DCTD: variants seen among roughly 807,000 people sequenced by gnomAD.
DCTD encodes deoxycytidylate deaminase.
In DCTD, 23 loss-of-function variants were observed where a neutral mutation model predicts 21.0. That is an observed-to-expected ratio of 1.09 (90% CI 0.79 to 1.55). DCTD has a LOEUF of 1.55. DCTD is among the 40% of genes most tolerant of loss of function. The pLI is 0.00. For missense variants in DCTD, 224 were observed against 230.0 expected, an observed-to-expected ratio of 0.97 and a Z score of 0.17; for synonymous variants, 71 against 81.1, an observed-to-expected ratio of 0.88 and a Z score of 0.67.
chr4:182,911,318 T>C (rs541602585), intron 3 of DCTD: 4 of 152,106 alleles, frequency 2.6e-5, no homozygotes, highest in Non-Finnish European at 5.9e-5. Context: ...TATCAGCACA[T>C]TGGAATTAGG....
chr4:182,917,586 C>T (rs537540391), upstream of DCTD: 151 of 188,162 alleles, frequency 8.0e-4, no homozygotes, highest in African/African-American at 2.5e-3. The surrounding 1 kb of genome is among the most constrained non-coding windows in gnomAD (Gnocchi z 4.9). Context: ...GTCCGGCCGG[C>T]GGTGTTCAGA....
At chr4:182,915,408 A>G (rs1384302986) in intron 2 of DCTD, 53 bp downstream of exon 2, 6 of 1,178,940 alleles carry the variant, frequency 5.1e-6, no homozygotes, top group Admixed American at 3.4e-5. Context: ...GCTCATGTGC[A>G]GTAATCTCTT....
At position 182,900,683 on chromosome 4, in the gene DCTD, A is replaced by G. The variant is rs543093127; in HGVS notation, c.245-6078T>C. ...CAATAAGCAAAATAAATCTGCAAAC[A>G]GTACATATATATTTGATAAGCACAA... is the stretch of plus-strand genomic sequence containing the variant. On this transcript the variant is annotated intron_variant, in intron 3 of 5. Transcript: ENST00000438320. 9.8e-5 allele frequency among the ~76,000 whole-genome samples: 15 copies of G among 152,318 alleles called. No individual in the cohort carries two copies. In the East Asian group the frequency reaches 2.5e-3, roughly 25 times the overall value.
At chr4:182,913,789 A>T (rs113708332) in intron 3 of DCTD, among the ~76,000 whole-genome samples, 65 of 152,286 alleles carry the variant, frequency 4.3e-4, no homozygotes, top group African/African-American at 1.5e-3. Flanking sequence ...CATTGCTTGC[A>T]TATTCTCCAA....
In DCTD at chr4:182,917,284, G is replaced by C; in HGVS notation, c.-8+27C>G. The C allele has an allele frequency of 9.5e-7, 1 of 1,050,460 alleles. No homozygotes were observed. The highest frequency in any genetic ancestry group is 1.1e-6 in the Non-Finnish European group (1 of 873,910). The allele number at this position is 1,050,460 out of a possible 1,614,324, so 65.1% of individuals were successfully genotyped here. A position where few individuals can be genotyped will look rare whatever the true frequency, so the allele number is the denominator to read the frequency against. ...CGGTGGCTAGGGGCGCGCGGGCCGC[G>C]TACCCGCACGGCTGGCCCCCGCCCA... On this transcript the variant is annotated intron_variant, in intron 1 of 5. Coordinates refer to ENST00000438320, the MANE Select transcript of DCTD (RefSeq NM_001921.3). The surrounding 1 kb of genome is among the most constrained non-coding windows in gnomAD (Gnocchi z 4.9).
chr4:182,915,865 T>C lies in DCTD; in HGVS notation c.-7-290A>G, dbSNP rs1738636697. 1.0e-5 allele frequency: 12 copies of C among 1,167,080 alleles called. No homozygotes were observed. The South Asian group carries it at 2.6e-4, about 25-fold the overall frequency. 72.3% of individuals were successfully genotyped at this position (1,167,080 alleles called of 1,614,324 possible). Reference sequence around the variant, plus strand: ...AGGATTTTTTATGCCAGCCTACAAATTGTTGTGTCCTTTACCTGTCTCCCT... The same window carrying C: ...AGGATTTTTTATGCCAGCCTACAAACTGTTGTGTCCTTTACCTGTCTCCCT... On this transcript the variant is annotated intron_variant, in intron 1 of 5. Transcript: ENST00000438320.
At chr4:182,904,347 C>T (rs932840530) in intron 3 of DCTD, among the ~76,000 whole-genome samples, 3 of 152,208 alleles carry the variant, frequency 2.0e-5, no homozygotes, top group Admixed American at 2.0e-4. Context: ...ACTCCCTTCC[C>T]ACTGTTCATG....
At position 182,890,129 on chromosome 4, in the gene DCTD, A is replaced by C. The variant is rs962021460; in HGVS notation, c.*1270T>G. 5.3e-5 allele frequency: 8 copies of C among 152,224 alleles called. 1 individual carries two copies. The highest frequency in any genetic ancestry group is 5.2e-4 in the Admixed American group (8 of 15,282). The allele number at this position is 152,224 out of a possible 1,614,324, so 9.4% of individuals were successfully genotyped here. A position where few individuals can be genotyped will look rare whatever the true frequency, so the allele number is the denominator to read the frequency against. Reference sequence around the variant, plus strand: ...TAGATTTTAATAAGATTTTAATAATATTGGTAAGGAGCCAAATTACAGAAT... The same window carrying C: ...TAGATTTTAATAAGATTTTAATAATCTTGGTAAGGAGCCAAATTACAGAAT... On this transcript the variant is annotated 3_prime_UTR_variant, in exon 6 of 6. Transcript: ENST00000438320.
chr4:182,891,067 C>A lies in DCTD; in HGVS notation c.*332G>T, dbSNP rs1038971593. 1 of 250,684 alleles carries A rather than the reference C, an allele frequency of 4.0e-6. No individual in the cohort carries two copies. The highest frequency in any genetic ancestry group is 5.0e-5 in the Admixed American group (1 of 20,098). The allele number at this position is 250,684 out of a possible 1,614,324, so 15.5% of individuals were successfully genotyped here. A position where few individuals can be genotyped will look rare whatever the true frequency, so the allele number is the denominator to read the frequency against. On this transcript the variant is annotated 3_prime_UTR_variant, in exon 6 of 6. Transcript: ENST00000438320. The stretch of plus-strand genomic sequence containing the variant: ...TAGCAGTGAAGAGAGGCTGCCGGAT[C>A]GCAGCAGATGACAGACAGCTGATGC...
chr4:182,897,362 C>T (rs964529360), intron 3 of DCTD, among the ~76,000 whole-genome samples: 17 of 149,740 alleles, frequency 1.1e-4, no homozygotes, highest in African/African-American at 3.7e-4. Flanking sequence ...AATATTAATA[C>T]CAGCACCATC....
At chr4:182,915,926 AAAG>A in intron 1 of DCTD, 1 of 1,058,308 alleles carries the variant, frequency 9.4e-7, no homozygotes, top group African/African-American at 1.7e-5. Context: ...AGGGTGGAAA[AAAG>A]AAATATTTAT....
At chr4:182,900,094 C>T (rs187826645) in intron 3 of DCTD, among the ~76,000 whole-genome samples, 137 of 152,124 alleles carry the variant, frequency 9.0e-4, no homozygotes, top group Admixed American at 1.8e-3. Context: ...TGGGGGAGAT[C>T]GTTTGAGCTC....
chr4:182,900,764 A>C (rs754181101), intron 3 of DCTD, among the ~76,000 whole-genome samples: 15 of 152,230 alleles, frequency 9.9e-5, no homozygotes, highest in Non-Finnish European at 2.1e-4. Context: ...GAAAAGAATC[A>C]AATGCTGAAA....
intron 3 of DCTD, among the ~76,000 whole-genome samples, chr4:182,913,595 C>T (rs1002939520): frequency 1.3e-5 from 2 of 152,184 alleles, no homozygotes; most frequent in Non-Finnish European, 2.9e-5. Context: ...CCAGGAGAGT[C>T]AACAAAGAAG....
At position 182,917,027 on chromosome 4, in the gene DCTD, A is replaced by T; in HGVS notation, c.-8+284T>A. 1 of 988,006 alleles carries T rather than the reference A, an allele frequency of 1.0e-6. No homozygotes were observed. The highest frequency in any genetic ancestry group is 4.6e-5 in the South Asian group (1 of 21,762). 61.2% of individuals were successfully genotyped at this position (988,006 alleles called of 1,614,324 possible). On this transcript the variant is annotated intron_variant, in intron 1 of 5. Coordinates refer to ENST00000438320, the MANE Select transcript of DCTD (RefSeq NM_001921.3). This position sits in a 1 kb window ranked among gnomAD's most constrained non-coding sequence, Gnocchi z 4.9. ...GCGCAGGAAGGGATGTGGTGTTCAGACGCCCAGCACCACCTCCCGGGGCAC... is the reference window on the plus strand; with the variant it reads ...GCGCAGGAAGGGATGTGGTGTTCAGTCGCCCAGCACCACCTCCCGGGGCAC...
intron 3 of DCTD, among the ~76,000 whole-genome samples, chr4:182,903,430 A>G (rs1211968965): frequency 6.6e-6 from 1 of 152,114 alleles, no homozygotes; most frequent in Non-Finnish European, 1.5e-5. Context: ...TCCACCTGAT[A>G]GGCATGACAG....
chr4:182,912,925 A>T (rs1457560387), intron 3 of DCTD, among the ~76,000 whole-genome samples: 1 of 152,140 alleles, frequency 6.6e-6, no homozygotes, highest in East Asian at 1.9e-4. Flanking sequence ...ACGGACCGCC[A>T]TCCCCCCAGA....
rs115100494 is a variant in DCTD, at chr4:182,909,511, C to T, written c.244+5412G>A. On this transcript the variant is annotated intron_variant, in intron 3 of 5. Transcript: ENST00000438320. Reference sequence around the variant, plus strand: ...AGTAGAAGGCCAGGCAGGGGAGGAGCGGCAGGAAGCTTTAAGTGAAATTAA... The same window carrying T: ...AGTAGAAGGCCAGGCAGGGGAGGAGTGGCAGGAAGCTTTAAGTGAAATTAA... Among the ~76,000 whole-genome samples the T allele has an allele frequency of 4.6e-3, 699 of 152,226 alleles. 3 individuals carry two copies. The highest frequency in any genetic ancestry group is 0.016 in the African/African-American group (645 of 41,548).
At chr4:182,901,993 CG>C (rs1230981392) in intron 3 of DCTD, among the ~76,000 whole-genome samples, 3 of 152,128 alleles carry the variant, frequency 2.0e-5, no homozygotes, top group Non-Finnish European at 2.9e-5. Flanking sequence ...TGGAAACTTC[CG>C]CTGAGGGATG....
Sources: allele counts gnomAD v4.1 joint callset (sites outside exome capture counted in the v4.1 genomes callset), GRCh38; gene constraint gnomAD v4.1.1; non-coding constraint Gnocchi (gnomAD v3.1); transcripts MANE v1.5; gene names NCBI Gene and HGNC (gene_info 2026-07-23, HGNC 2026-07-21).